Variants in CMSS1 observed in about 807,000 individuals in gnomAD.
The protein encoded by CMSS1 is cms1 ribosomal small subunit homolog, also known as protein CMSS1.
CMSS1 carries 33 observed loss-of-function variants against 43.5 expected under a neutral mutation model. The ratio of observed to expected loss-of-function variants is 0.76; its 90% CI spans 0.57 to 1.01. The LOEUF (loss-of-function observed/expected upper bound fraction) is 1.01, where lower values mean the gene tolerates loss of function less well. Ranked by LOEUF, CMSS1 falls within the 50% of genes least tolerant of loss-of-function variation. The pLI is 0.00. For missense variants in CMSS1, 313 were observed against 326.4 expected (o/e 0.96, Z 0.32); for synonymous variants, 115 against 117.2 (o/e 0.98, Z 0.12).
intron 1 of CMSS1, among the ~76,000 whole-genome samples, chr3:100,074,852 C>T (rs750532984): frequency 1.3e-5 from 2 of 151,580 alleles, no homozygotes; most frequent in Non-Finnish European, 1.5e-5. Context: ...CACCACCACT[C>T]CTGGCTAATT....
intron 1 of CMSS1, among the ~76,000 whole-genome samples, chr3:99,916,152 A>C (rs575476960): frequency 6.6e-6 from 1 of 152,300 alleles, no homozygotes; most frequent in South Asian, 2.1e-4. Flanking sequence ...CCCCAGTGTG[A>C]GTAGACATCC....
At position 100,070,868 on chromosome 3, in the gene CMSS1, C is replaced by T. The variant is rs372369155; in HGVS notation, c.65-76105C>T. ...ATATTCACGAACTCCTGACTTCAGG[C>T]GATCTGCCTGCCTTGACCTCCCAAA... On this transcript the variant is annotated intron_variant, in intron 1 of 9. Coordinates refer to ENST00000421999, the MANE Select transcript of CMSS1 (RefSeq NM_032359.4). Among the ~76,000 whole-genome samples the T allele has an allele frequency of 3.3e-5, 5 of 152,230 alleles. No homozygotes were observed. The East Asian group carries it at 7.7e-4, about 24-fold the overall frequency.
chr3:99,885,882 T>C (rs1052326613), intron 1 of CMSS1, among the ~76,000 whole-genome samples: 1 of 152,232 alleles, frequency 6.6e-6, no homozygotes, highest in South Asian at 2.1e-4. Context: ...AAATCTAGAA[T>C]GGGGAATCTA....
At chr3:100,110,317 T>C (rs1040638043) in intron 1 of CMSS1, among the ~76,000 whole-genome samples, 1 of 152,004 alleles carries the variant, frequency 6.6e-6, no homozygotes, top group Non-Finnish European at 1.5e-5. Flanking sequence ...CAGTTTAATA[T>C]CATGGCTCAG....
At position 99,908,316 on chromosome 3, in the gene CMSS1, A is replaced by G. The variant is rs186123568; in HGVS notation, c.64+90273A>G. ...TGCTATTTTCTATTGAAGGCAGATG[A>G]TTTGACTTAGACAACTATGTGACAA... On this transcript the variant is annotated intron_variant, in intron 1 of 9. Coordinates refer to ENST00000421999, the MANE Select transcript of CMSS1 (RefSeq NM_032359.4). 3.8e-3 allele frequency among the ~76,000 whole-genome samples: 578 copies of G among 152,344 alleles called. 3 individuals are homozygous for G. The highest frequency in any genetic ancestry group is 0.013 in the African/African-American group (550 of 41,582).
At chr3:99,994,306 C>T (rs572508963) in intron 1 of CMSS1, among the ~76,000 whole-genome samples, 1 of 152,260 alleles carries the variant, frequency 6.6e-6, no homozygotes, top group Non-Finnish European at 1.5e-5. Context: ...TATTGTCCCA[C>T]TCACAGCACT....
At chr3:99,831,936 G>A (rs1452723757) in intron 1 of CMSS1, among the ~76,000 whole-genome samples, 1 of 152,174 alleles carries the variant, frequency 6.6e-6, no homozygotes, top group African/African-American at 2.4e-5. Context: ...GGTATGCATA[G>A]TTCAATACTG....
At chr3:99,952,853 A>G (rs1360931434) in intron 1 of CMSS1, among the ~76,000 whole-genome samples, 1 of 152,182 alleles carries the variant, frequency 6.6e-6, no homozygotes, top group African/African-American at 2.4e-5. Flanking sequence ...CAATCTTTAT[A>G]TGTTGGATTG....
At chr3:100,025,311 A>T (rs1018658293) in intron 1 of CMSS1, 1 of 152,208 alleles carries the variant, frequency 6.6e-6, no homozygotes, top group Non-Finnish European at 1.5e-5. Context: ...TTTGAGCCAG[A>T]TGATTAGGTT....
intron 1 of CMSS1, among the ~76,000 whole-genome samples, chr3:100,044,638 T>C (rs2065252164): frequency 6.6e-6 from 1 of 152,236 alleles, no homozygotes; most frequent in Non-Finnish European, 1.5e-5. Flanking sequence ...TTATAGGCAC[T>C]GGCAAGAATC....
rs567614666 is a variant in CMSS1 at position 99,899,027 on chromosome 3, G to GA, written c.64+80993dup. ...CTGAGAAGGCTGGAACACACATACT[G>GA]AAAAAAAAATGTGGTTATTCCTCCT... is the stretch of plus-strand genomic sequence containing the variant. On this transcript the variant is annotated intron_variant, in intron 1 of 9. Coordinates refer to ENST00000421999, the MANE Select transcript of CMSS1 (RefSeq NM_032359.4). Among the ~76,000 whole-genome samples the GA allele has an allele frequency of 4.9e-3, 744 of 150,660 alleles. 3 individuals are homozygous for GA. The highest frequency in any genetic ancestry group is 7.9e-3 in the Non-Finnish European group (537 of 67,548).
chr3:100,034,089 A>C (rs2065066288), intron 1 of CMSS1, among the ~76,000 whole-genome samples: 1 of 152,230 alleles, frequency 6.6e-6, no homozygotes, highest in Non-Finnish European at 1.5e-5. Context: ...ACACTTAAGA[A>C]AAGAAGTAAT....
chr3:100,075,856 A>C (rs1253814829), intron 1 of CMSS1, among the ~76,000 whole-genome samples: 1 of 151,930 alleles, frequency 6.6e-6, no homozygotes, highest in Non-Finnish European at 1.5e-5. Flanking sequence ...CTTATCTTAA[A>C]CTCTACAAGC....
intron 1 of CMSS1, among the ~76,000 whole-genome samples, chr3:100,014,887 C>CTTTTTTTTTTTT (rs1559725867): frequency 9.2e-5 from 3 of 32,466 alleles, no homozygotes; most frequent in Admixed American, 3.8e-4. Context: ...TTTTTTTTTT[C>CTTTTTTTTTTTT]TTTCTTTCTT....
intron 1 of CMSS1, among the ~76,000 whole-genome samples, chr3:99,921,221 A>G (rs561158426): frequency 1.4e-4 from 21 of 152,302 alleles, no homozygotes; most frequent in Non-Finnish European, 2.4e-4. Context: ...ATGTCACTTG[A>G]AAGCAAGGCA....
chr3:99,986,475 T>C (rs1054715787), intron 1 of CMSS1, among the ~76,000 whole-genome samples: 4 of 152,186 alleles, frequency 2.6e-5, no homozygotes, highest in Admixed American at 2.6e-4. Context: ...GACGGTTAGT[T>C]TTTCTGAAAG....
intron 1 of CMSS1, among the ~76,000 whole-genome samples, chr3:100,134,677 G>A (rs368316189): frequency 7.2e-4 from 110 of 152,324 alleles, no homozygotes; most frequent in African/African-American, 2.5e-3. Context: ...GGAAGGAGTG[G>A]TAGAGAGTTA....
chr3:99,836,702 G>C (rs1576496698), intron 1 of CMSS1, among the ~76,000 whole-genome samples: 1 of 152,300 alleles, frequency 6.6e-6, no homozygotes, highest in South Asian at 2.1e-4. Flanking sequence ...TCTGAGAACA[G>C]CCACCTAAGG....
Position 100,162,991 on chromosome 3 carries a change from CAT to C in CMSS1, c.355+561_355+562del, listed in dbSNP as rs1183667420. On this transcript the variant is annotated intron_variant, in intron 4 of 9. Transcript: ENST00000421999. The stretch of plus-strand genomic sequence containing the variant: ...CTCCATCTCAAAGAAAAAAAAGAAA[CAT>C]AATACTTCTTTTCCTCAATCTAATA... Among the ~76,000 whole-genome samples, 3 of 152,198 alleles carry C rather than the reference CAT, an allele frequency of 2.0e-5. No homozygotes were observed. The East Asian group carries it at 5.8e-4, about 29-fold the overall frequency.
Sources: allele counts gnomAD v4.1 joint callset (sites outside exome capture counted in the v4.1 genomes callset), GRCh38; gene constraint gnomAD v4.1.1; transcripts MANE v1.5; gene names NCBI Gene and HGNC (gene_info 2026-07-23, HGNC 2026-07-21).